PTPRE: variants seen among roughly 807,000 people sequenced by gnomAD.
PTPRE encodes protein tyrosine phosphatase receptor type E, also known as receptor-type tyrosine-protein phosphatase epsilon.
In PTPRE, 51 loss-of-function variants were observed where a neutral mutation model predicts 102.0. The ratio of observed to expected loss-of-function variants is 0.50; its 90% confidence interval spans 0.40 to 0.63. The LOEUF is 0.63. PTPRE is among the 30% of genes least tolerant of loss of function. PTPRE has a pLI of 0.00. For missense variants in PTPRE, 752 were observed against 915.1 expected (o/e 0.82, Z 2.30); for synonymous variants, 345 against 348.2 (o/e 0.99, Z 0.10).
chr10:128,059,846 T>C (rs537329054), intron 7 of PTPRE, among the ~76,000 whole-genome samples: 1 of 152,170 alleles, frequency 6.6e-6, no homozygotes, highest in Non-Finnish European at 1.5e-5. Flanking sequence ...ACCTTCTTAA[T>C]AGTTCTATGG....
intron 20 of PTPRE, among the ~76,000 whole-genome samples, chr10:128,082,014 G>A (rs566040266): frequency 2.0e-5 from 3 of 152,208 alleles, no homozygotes; most frequent in East Asian, 3.9e-4. Context: ...CCCCTGTCCC[G>A]GCCCCAAACT....
chr10:127,916,060 C>T (rs1002056831), intron 1 of PTPRE, among the ~76,000 whole-genome samples: 1 of 150,944 alleles, frequency 6.6e-6, no homozygotes, highest in African/African-American at 2.4e-5. Context: ...CACAGGAAGA[C>T]AGAACTCACT....
chr10:127,925,460 G>A (rs1041263154), intron 1 of PTPRE, among the ~76,000 whole-genome samples: 2 of 152,182 alleles, frequency 1.3e-5, no homozygotes, highest in Admixed American at 1.3e-4. Flanking sequence ...GATCTGACTG[G>A]TTAACTTAGT....
chr10:127,940,151 A>G (rs1390022912), intron 1 of PTPRE, among the ~76,000 whole-genome samples: 1 of 152,132 alleles, frequency 6.6e-6, no homozygotes, highest in East Asian at 1.9e-4. Flanking sequence ...AGGCAAGAGG[A>G]TGCCAGCTGC....
At chr10:127,999,639 A>G in intron 2 of PTPRE, 4 of 984,934 alleles carry the variant, frequency 4.1e-6, no homozygotes, top group Non-Finnish European at 4.8e-6. Flanking sequence ...CTGACTGATT[A>G]TGAACTTAAA....
intron 1 of PTPRE, among the ~76,000 whole-genome samples, chr10:127,967,505 T>C (rs1234185124): frequency 6.6e-6 from 1 of 152,226 alleles, no homozygotes; most frequent in Non-Finnish European, 1.5e-5. Flanking sequence ...TATAAAGATA[T>C]GCTTTTGCTC....
At position 128,070,250 on chromosome 10, in the gene PTPRE, CA is replaced by C. The variant is rs1480816068; in HGVS notation, c.1144-49del. The stretch of plus-strand genomic sequence containing the variant: ...TTGGTCTGCCAAGCTCCACGTGGGC[CA>C]AGACTGCAGGGCAGAGTTGAGGGTG... On this transcript the variant is annotated intron_variant, in intron 13 of 20. Coordinates refer to ENST00000254667, the MANE Select transcript of PTPRE (RefSeq NM_006504.6). This position sits in a 1 kb window ranked among gnomAD's most constrained non-coding sequence, Gnocchi z 4.8. The C allele has an allele frequency of 1.3e-6, 2 of 1,543,440 alleles. No homozygotes were observed. Among genetic ancestry groups the C allele is most frequent in the South Asian group, 2.5e-5 (2 of 80,062 alleles).
intron 1 of PTPRE, among the ~76,000 whole-genome samples, chr10:127,953,275 G>A (rs938190324): frequency 1.3e-4 from 20 of 152,254 alleles, no homozygotes; most frequent in African/African-American, 4.3e-4. Flanking sequence ...TAGGGATGCT[G>A]TTTGGAGCCT....
At chr10:128,069,390 A>G (rs1397612219) in intron 12 of PTPRE, 5 of 327,234 alleles carry the variant, frequency 1.5e-5, no homozygotes, top group Non-Finnish European at 2.3e-5. Flanking sequence ...AATCACACAT[A>G]TAAGAAGAAG....
At chr10:127,961,140 G>T (rs1053786668) in intron 1 of PTPRE, among the ~76,000 whole-genome samples, 1 of 152,160 alleles carries the variant, frequency 6.6e-6, no homozygotes, top group Admixed American at 6.5e-5. Flanking sequence ...TTTGCGAGGG[G>T]TCTTTCTCAG....
intron 1 of PTPRE, among the ~76,000 whole-genome samples, chr10:127,914,908 T>G (rs1327431526): frequency 6.6e-6 from 1 of 152,176 alleles, no homozygotes; most frequent in Non-Finnish European, 1.5e-5. Flanking sequence ...TATCCTCATG[T>G]CAGGGCGTGG....
At chr10:128,047,928 T>C in intron 5 of PTPRE, 91 bp downstream of exon 5, 1 of 1,370,736 alleles carries the variant, frequency 7.3e-7, no homozygotes, top group African/African-American at 1.5e-5. Context: ...ACGTTCAAAG[T>C]AAATTTTGAG....
At chr10:128,048,693 A>G (rs1434717704) in intron 5 of PTPRE, among the ~76,000 whole-genome samples, 1 of 152,146 alleles carries the variant, frequency 6.6e-6, no homozygotes, top group African/African-American at 2.4e-5. Context: ...TTTCAATAGC[A>G]GGAACGGAAG....
Position 128,073,195 on chromosome 10 carries a change from G to C in PTPRE, c.1465-142G>C. The C allele has an allele frequency of 2.6e-6, 3 of 1,157,646 alleles. No homozygotes were observed. In the East Asian group the frequency reaches 7.6e-5, roughly 29 times the overall value. 71.7% of individuals were successfully genotyped at this position (1,157,646 alleles called of 1,614,324 possible). A position where few individuals can be genotyped will look rare whatever the true frequency, so the allele number is the denominator to read the frequency against. ...TTGTCAGGTGTGTGCCTGAGTGCTCGTGCCAACTGGGGTCTGGTGCAGACC... is the reference window on the plus strand; with the variant it reads ...TTGTCAGGTGTGTGCCTGAGTGCTCCTGCCAACTGGGGTCTGGTGCAGACC... On this transcript the variant is annotated intron_variant, in intron 16 of 20. Coordinates refer to ENST00000254667, the MANE Select transcript of PTPRE (RefSeq NM_006504.6).
rs557739567 is a variant in PTPRE at position 127,978,473 on chromosome 10, C to T, written c.-30-3801C>T. On this transcript the variant is annotated intron_variant, in intron 1 of 20. Transcript: ENST00000254667. ...GAAAGACGGCTTGAGCCCAGGACATCAAGCCTACAGTGAGATATGATCGTG... is the reference window on the plus strand; with the variant it reads ...GAAAGACGGCTTGAGCCCAGGACATTAAGCCTACAGTGAGATATGATCGTG... Among the ~76,000 whole-genome samples the T allele has an allele frequency of 2.6e-5, 4 of 152,200 alleles. No individual in the cohort carries two copies. The East Asian group carries it at 7.8e-4, about 30-fold the overall frequency.
intron 2 of PTPRE, among the ~76,000 whole-genome samples, chr10:127,982,521 T>C (rs1040476338): frequency 7.3e-6 from 1 of 136,116 alleles, no homozygotes; most frequent in African/African-American, 2.7e-5. Flanking sequence ...TGTGTGTGTG[T>C]GTGTGTGTGA....
chr10:127,984,132 C>A (rs7070727), intron 2 of PTPRE, among the ~76,000 whole-genome samples: 63,669 of 146,298 alleles, frequency 0.44, 15,762 homozygotes, highest in African/African-American at 0.7. Flanking sequence ...CCCAGGCTGA[C>A]GTGTGATGGC....
intron 2 of PTPRE, among the ~76,000 whole-genome samples, chr10:127,992,447 G>A (rs921484171): frequency 6.6e-6 from 1 of 152,176 alleles, no homozygotes; most frequent in Non-Finnish European, 1.5e-5. Flanking sequence ...TACAAAGGGT[G>A]GCAGCTGGGG....
chr10:127,976,970 G>A (rs1032953407), intron 1 of PTPRE, among the ~76,000 whole-genome samples: 3 of 152,158 alleles, frequency 2.0e-5, no homozygotes, highest in East Asian at 1.9e-4. Context: ...CCGTGGCTGC[G>A]GTTCTGTCCA....
Sources: allele counts gnomAD v4.1 joint callset (sites outside exome capture counted in the v4.1 genomes callset), GRCh38; gene constraint gnomAD v4.1.1; non-coding constraint Gnocchi (gnomAD v3.1); transcripts MANE v1.5; gene names NCBI Gene and HGNC (gene_info 2026-07-23, HGNC 2026-07-21).